Variants in RAB31 observed in about 807,000 individuals in gnomAD.
RAB31 encodes the protein RAB31, member RAS oncogene family, also known as ras-related protein Rab-31.
Under a neutral mutation model 25.6 loss-of-function variants are expected in RAB31, and 21 were observed. The observed-to-expected ratio is 0.82, with a 90% CI of 0.58 to 1.18. RAB31 has a LOEUF of 1.18. Ranked by LOEUF, RAB31 falls within the 50% of genes most tolerant of loss-of-function variation. The probability of loss-of-function intolerance (pLI) is 0.00; values close to 1 mark genes in which losing one functional copy is unlikely to be tolerated. For missense variants in RAB31, 196 were observed against 250.1 expected (o/e 0.78, Z 1.46); for synonymous variants, 87 against 84.0 (o/e 1.04, Z -0.20).
At chr18:9,840,054 GT>G (rs1468737925) in intron 5 of RAB31, among the ~76,000 whole-genome samples, 1 of 152,204 alleles carries the variant, frequency 6.6e-6, no homozygotes, top group East Asian at 1.9e-4. Flanking sequence ...TGGGATGGGG[GT>G]GTGCTTCAGA....
chr18:9,796,113 A>G lies in RAB31; in HGVS notation c.201+3878A>G, dbSNP rs564351426. ...AGCAAACTGGATGCAATTGGAGACCATTATTCTAAATGAAGTAACATACTA... is the reference window on the plus strand; with the variant it reads ...AGCAAACTGGATGCAATTGGAGACCGTTATTCTAAATGAAGTAACATACTA... On this transcript the variant is annotated intron_variant, in intron 3 of 6. Transcript: ENST00000578921. 2.0e-5 allele frequency among the ~76,000 whole-genome samples: 3 copies of G among 152,356 alleles called. No individual in the cohort carries two copies. In the East Asian group the frequency reaches 5.8e-4, roughly 29 times the overall value.
chr18:9,708,402 G>C lies in RAB31; in HGVS notation c.-4G>C, dbSNP rs1475712269. 6 of 1,563,282 alleles carry C rather than the reference G, an allele frequency of 3.8e-6. No homozygotes were observed. The highest frequency in any genetic ancestry group is 1.4e-5 in the African/African-American group (1 of 70,562). ...GAGCCCCGGCACTGCCTGGCTGCGAGCACATGATGGCGATACGGGAGCTCA... is the reference window on the plus strand; with the variant it reads ...GAGCCCCGGCACTGCCTGGCTGCGACCACATGATGGCGATACGGGAGCTCA... On this transcript the variant is annotated 5_prime_UTR_variant, in exon 1 of 7. Transcript: ENST00000578921. This position sits in a 1 kb window ranked among gnomAD's most constrained non-coding sequence, Gnocchi z 6.4.
intron 1 of RAB31, among the ~76,000 whole-genome samples, chr18:9,710,592 C>T (rs1296061966): frequency 2.6e-5 from 4 of 152,176 alleles, no homozygotes; most frequent in East Asian, 1.9e-4. Flanking sequence ...TTGGCTCACA[C>T]CTGTCATCCC....
At chr18:9,812,932 G>A (rs983696119) in intron 3 of RAB31, among the ~76,000 whole-genome samples, 2 of 150,906 alleles carry the variant, frequency 1.3e-5, no homozygotes, top group Non-Finnish European at 2.9e-5. Context: ...CCTGACCTCG[G>A]GTGATCCTGC....
chr18:9,842,632 G>A (rs1275349258), intron 5 of RAB31, among the ~76,000 whole-genome samples: 4 of 152,226 alleles, frequency 2.6e-5, no homozygotes, highest in Non-Finnish European at 4.4e-5. Context: ...GGAGGATGGA[G>A]TAGGCTCCTG....
intron 1 of RAB31, among the ~76,000 whole-genome samples, chr18:9,763,660 A>T (rs912706351): frequency 6.6e-6 from 1 of 151,202 alleles, no homozygotes; most frequent in Non-Finnish European, 1.5e-5. Context: ...TTGGAGTTCC[A>T]GTAGGATAGA....
chr18:9,756,904 A>G (rs1033610676), intron 1 of RAB31, among the ~76,000 whole-genome samples: 1 of 152,184 alleles, frequency 6.6e-6, no homozygotes, highest in Non-Finnish European at 1.5e-5. Flanking sequence ...GAAGTAACTG[A>G]TGGTGCCCTT....
intron 1 of RAB31, among the ~76,000 whole-genome samples, chr18:9,745,154 T>G (rs779508553): frequency 5.9e-5 from 9 of 152,104 alleles, no homozygotes; most frequent in Non-Finnish European, 1.2e-4. Context: ...TGAAAAAGAT[T>G]ATAAGAGAAT....
chr18:9,818,060 T>C (rs1383510842), intron 5 of RAB31, among the ~76,000 whole-genome samples: 1 of 152,224 alleles, frequency 6.6e-6, no homozygotes, highest in African/African-American at 2.4e-5. Flanking sequence ...AAGTGTGGCA[T>C]GTATATCTTT....
chr18:9,761,999 G>T (rs2068291560), intron 1 of RAB31, among the ~76,000 whole-genome samples: 1 of 152,058 alleles, frequency 6.6e-6, no homozygotes, highest in Non-Finnish European at 1.5e-5. Flanking sequence ...GTAGAGATGG[G>T]GTTTCACCAT....
chr18:9,847,218 C>T (rs1170364889), intron 6 of RAB31, among the ~76,000 whole-genome samples: 5 of 152,214 alleles, frequency 3.3e-5, no homozygotes, highest in Admixed American at 6.5e-5. Flanking sequence ...CTTCTGGTGG[C>T]GTTAGGCTCT....
intron 1 of RAB31, among the ~76,000 whole-genome samples, chr18:9,714,005 G>A (rs1265658281): frequency 6.6e-6 from 1 of 152,142 alleles, no homozygotes; most frequent in Non-Finnish European, 1.5e-5. Context: ...CTTCAAAATG[G>A]GAATTTTGTT....
chr18:9,775,143 C>T (rs1007014330), intron 1 of RAB31, 135 bp from the exon 2 acceptor site: 27 of 1,350,274 alleles, frequency 2.0e-5, no homozygotes, highest in Non-Finnish European at 2.7e-5. Context: ...AGAAAATATC[C>T]CCCCACTCCC....
At chr18:9,734,197 A>G (rs1367987426) in intron 1 of RAB31, among the ~76,000 whole-genome samples, 1 of 152,094 alleles carries the variant, frequency 6.6e-6, no homozygotes, top group Non-Finnish European at 1.5e-5. Context: ...CACTCTATAT[A>G]CTGACACTGG....
intron 5 of RAB31, among the ~76,000 whole-genome samples, chr18:9,842,166 C>G (rs2068737748): frequency 6.6e-6 from 1 of 152,166 alleles, no homozygotes; most frequent in Admixed American, 6.5e-5. Context: ...GTGTGCTCAG[C>G]AGCCCGGACC....
intron 1 of RAB31, among the ~76,000 whole-genome samples, chr18:9,743,527 C>T (rs1351310406): frequency 1.3e-5 from 2 of 152,230 alleles, no homozygotes; most frequent in Admixed American, 1.3e-4. Context: ...AGCTGCCACC[C>T]TCTCACAGCT....
intron 1 of RAB31, among the ~76,000 whole-genome samples, chr18:9,756,851 A>C (rs181647302): frequency 1.9e-4 from 29 of 152,288 alleles, no homozygotes; most frequent in African/African-American, 6.7e-4. Context: ...GTGTGGTCTC[A>C]TTGGCTCCCA....
chr18:9,817,094 T>C (rs2284144), intron 5 of RAB31, among the ~76,000 whole-genome samples: 14,083 of 152,076 alleles, frequency 0.093, 919 homozygotes, highest in East Asian at 0.31. Context: ...TTCGTTACTG[T>C]AATCCTCAAA....
intron 1 of RAB31, among the ~76,000 whole-genome samples, chr18:9,745,236 T>C (rs935004883): frequency 6.6e-6 from 1 of 152,106 alleles, no homozygotes; most frequent in South Asian, 2.1e-4. Context: ...CACACAAAAC[T>C]ACCAAACTGT....
Sources: gnomAD v4.1 joint callset for allele counts (sites outside exome capture counted in the v4.1 genomes callset) on GRCh38, gnomAD v4.1.1 for gene constraint, Gnocchi (gnomAD v3.1) non-coding constraint, MANE v1.5 for transcripts, NCBI Gene and HGNC (gene_info 2026-07-23, HGNC 2026-07-21) for gene names.